Variants in GULP1 observed in about 807,000 individuals in gnomAD.
GULP1 encodes the protein GULP PTB domain containing engulfment adaptor 1.
GULP1 carries 19 observed loss-of-function variants against 40.9 expected under a neutral mutation model. The ratio of observed to expected loss-of-function variants is 0.46; its 90% CI spans 0.32 to 0.68. GULP1 has a LOEUF of 0.68. Ranked by LOEUF, GULP1 falls within the 30% of genes least tolerant of loss-of-function variation. GULP1 has a pLI of 0.03. For missense variants in GULP1, 312 were observed against 362.2 expected (o/e 0.86, Z 1.12); for synonymous variants, 119 against 117.6 (o/e 1.01, Z -0.08).
intron 1 of GULP1, among the ~76,000 whole-genome samples, chr2:188,352,254 C>T (rs1450337035): frequency 1.3e-5 from 2 of 152,034 alleles, no homozygotes; most frequent in African/African-American, 2.4e-5. Context: ...GGGTGGGCCT[C>T]GTTCAATCAA....
Position 188,595,677 on chromosome 2 carries a change from G to A in GULP1, c.*1666G>A, listed in dbSNP as rs1181460711. 6.6e-6 allele frequency: 1 copy of A among 151,992 alleles called. No individual in the cohort carries two copies. The highest frequency in any genetic ancestry group is 2.4e-5 in the African/African-American group (1 of 41,344). 9.4% of individuals were successfully genotyped at this position (151,992 alleles called of 1,614,324 possible). ...TTTATGTAATAGGTATATATTTAGT[G>A]GCCATTTATTATCAATGGTAACACA... On this transcript the variant is annotated 3_prime_UTR_variant, in exon 12 of 12. Transcript: ENST00000409830.
intron 2 of GULP1, among the ~76,000 whole-genome samples, chr2:188,412,331 C>T (rs762557095): frequency 4.6e-5 from 7 of 152,114 alleles, no homozygotes; most frequent in African/African-American, 7.2e-5. Flanking sequence ...ATTTAATGCA[C>T]GCCTACCCTT....
chr2:188,544,196 C>G (rs1355105181), intron 7 of GULP1, among the ~76,000 whole-genome samples: 1 of 152,066 alleles, frequency 6.6e-6, no homozygotes, highest in Admixed American at 6.6e-5. Flanking sequence ...GAAAATCACT[C>G]TTCATACCAA....
At chr2:188,396,280 G>A (rs1280296653) in intron 2 of GULP1, among the ~76,000 whole-genome samples, 1 of 152,232 alleles carries the variant, frequency 6.6e-6, no homozygotes, top group Non-Finnish European at 1.5e-5. Context: ...GAGGGGCAAA[G>A]CCAGGTGGGG....
At chr2:188,360,375 T>C (rs2045925597) in intron 1 of GULP1, among the ~76,000 whole-genome samples, 1 of 152,080 alleles carries the variant, frequency 6.6e-6, no homozygotes, top group South Asian at 2.1e-4. Context: ...CTCAATATTT[T>C]CTTCTAACAC....
chr2:188,414,835 A>T (rs1460116128), intron 2 of GULP1, among the ~76,000 whole-genome samples: 1 of 152,200 alleles, frequency 6.6e-6, no homozygotes, highest in Non-Finnish European at 1.5e-5. Context: ...AGGTAATTAG[A>T]GTAATTTATA....
intron 2 of GULP1, among the ~76,000 whole-genome samples, chr2:188,414,852 T>G (rs1338586656): frequency 6.6e-6 from 1 of 152,202 alleles, no homozygotes; most frequent in East Asian, 1.9e-4. Context: ...TATAATTTCT[T>G]AAGTATAATT....
At chr2:188,295,315 A>C (rs1045914132) in intron 1 of GULP1, among the ~76,000 whole-genome samples, 3 of 152,184 alleles carry the variant, frequency 2.0e-5, no homozygotes, top group African/African-American at 4.8e-5. Flanking sequence ...TCATTAATAA[A>C]TCCAGCCAAT....
intron 1 of GULP1, among the ~76,000 whole-genome samples, chr2:188,339,447 C>T (rs1188831229): frequency 6.6e-6 from 1 of 152,142 alleles, no homozygotes; most frequent in Non-Finnish European, 1.5e-5. Context: ...AATTCTCACC[C>T]TAGAACATCT....
intron 2 of GULP1, among the ~76,000 whole-genome samples, chr2:188,403,490 G>A (rs1001338387): frequency 6.6e-6 from 1 of 152,026 alleles, no homozygotes; most frequent in Non-Finnish European, 1.5e-5. Flanking sequence ...TATGATAAAC[G>A]AAGCACACAC....
chr2:188,537,911 T>C (rs1337425677), intron 6 of GULP1, among the ~76,000 whole-genome samples: 4 of 152,116 alleles, frequency 2.6e-5, no homozygotes. Flanking sequence ...GATTCAATGT[T>C]GGGAGGTTCT....
intron 2 of GULP1, among the ~76,000 whole-genome samples, chr2:188,407,437 T>C (rs1489479849): frequency 6.6e-6 from 1 of 152,202 alleles, no homozygotes; most frequent in African/African-American, 2.4e-5. Flanking sequence ...TAAAAAGTAG[T>C]AATAACTACA....
chr2:188,444,515 T>C (rs1376346867), intron 2 of GULP1, among the ~76,000 whole-genome samples: 1 of 152,224 alleles, frequency 6.6e-6, no homozygotes, highest in Non-Finnish European at 1.5e-5. Context: ...AAGTATTTTT[T>C]CTACCTGCAA....
chr2:188,295,334 C>T (rs189302539), intron 1 of GULP1, among the ~76,000 whole-genome samples: 1 of 152,276 alleles, frequency 6.6e-6, no homozygotes, highest in Admixed American at 6.5e-5. Flanking sequence ...ATGTTTGTTG[C>T]ATGCATATCA....
At chr2:188,372,537 C>T (rs558531519) in intron 1 of GULP1, among the ~76,000 whole-genome samples, 121 of 151,972 alleles carry the variant, frequency 8.0e-4, no homozygotes, top group Admixed American at 4.0e-3. Context: ...TTGTATTGTA[C>T]TTACAGTTTT....
At position 188,292,584 on chromosome 2, in the gene GULP1, G is replaced by T. The variant is rs1021846517; in HGVS notation, c.-172+418G>T. On this transcript the variant is annotated intron_variant, in intron 1 of 11. Transcript: ENST00000409830. This position sits in a 1 kb window ranked among gnomAD's most constrained non-coding sequence, Gnocchi z 4.0. ...GAAACCGTGGATCCGTCCGGCTGAG[G>T]GTGCGTGGATCAGACTGGGCTGAGC... Among the ~76,000 whole-genome samples, 1 of 152,074 alleles carries T rather than the reference G, an allele frequency of 6.6e-6. No homozygotes were observed. The highest frequency in any genetic ancestry group is 2.4e-5 in the African/African-American group (1 of 41,422).
chr2:188,568,087 A>T (rs1478925127), intron 7 of GULP1, among the ~76,000 whole-genome samples: 1 of 151,952 alleles, frequency 6.6e-6, no homozygotes, highest in African/African-American at 2.4e-5. Flanking sequence ...TGCATTTTTT[A>T]GTTAACTAGG....
In GULP1 at chr2:188,353,326, A is replaced by G. The variant is rs377349448; in HGVS notation, c.-171-30437A>G. On this transcript the variant is annotated intron_variant, in intron 1 of 11. Coordinates refer to ENST00000409830, the MANE Select transcript of GULP1 (RefSeq NM_016315.4). ...TCGTTTATCCTCACAACAGGTTATG[A>G]TGATCTTATTTTAACCTTACGACTG... 3.9e-5 allele frequency among the ~76,000 whole-genome samples: 6 copies of G among 152,222 alleles called. No individual in the cohort carries two copies. The East Asian group carries it at 1.2e-3, about 30-fold the overall frequency.
intron 7 of GULP1, among the ~76,000 whole-genome samples, chr2:188,563,702 A>G (rs1285846067): frequency 1.3e-5 from 2 of 151,832 alleles, no homozygotes; most frequent in East Asian, 1.9e-4. Context: ...TCTGTAAAAC[A>G]TTTCTTTTTA....
Sources: allele counts gnomAD v4.1 joint callset (sites outside exome capture counted in the v4.1 genomes callset), GRCh38; gene constraint gnomAD v4.1.1; non-coding constraint Gnocchi (gnomAD v3.1); transcripts MANE v1.5; gene names NCBI Gene and HGNC (gene_info 2026-07-23, HGNC 2026-07-21).